The following DOCK8 variants were observed in gnomAD, a reference collection of about 807,000 sequenced individuals.
The protein encoded by DOCK8 is dedicator of cytokinesis 8, also known as dedicator of cytokinesis protein 8.
DOCK8 carries 141 observed loss-of-function variants against 245.6 expected under a neutral mutation model. That is an observed-to-expected ratio of 0.57 (90% CI 0.50 to 0.66). The LOEUF is 0.66. Among genes scored for constraint, DOCK8 ranks in the 30% least tolerant of loss-of-function variants. The pLI is 0.00. For missense variants in DOCK8, 2,965 were observed against 2,603.4 expected (o/e 1.14, Z -3.02); for synonymous variants, 1,168 against 970.2 (o/e 1.20, Z -3.79).
intron 28 of DOCK8, among the ~76,000 whole-genome samples, chr9:410,480 G>A (rs950379322): frequency 6.6e-6 from 1 of 152,022 alleles, no homozygotes. Flanking sequence ...CTATTTGTGG[G>A]TATTGGGTAT....
intron 46 of DOCK8, among the ~76,000 whole-genome samples, chr9:463,112 C>G (rs963221265): frequency 6.6e-6 from 1 of 152,054 alleles, no homozygotes; most frequent in Non-Finnish European, 1.5e-5. Context: ...CATTTCTGGG[C>G]CAGAAGCAAT....
chr9:463,938 G>C (rs553740403), intron 47 of DOCK8, among the ~76,000 whole-genome samples: 28 of 152,308 alleles, frequency 1.8e-4, no homozygotes, highest in African/African-American at 6.7e-4. Flanking sequence ...CTGAATGATG[G>C]CCTGTGTTGG....
chr9:424,715 G>A (rs1417522668), intron 33 of DOCK8, among the ~76,000 whole-genome samples: 2 of 152,144 alleles, frequency 1.3e-5, no homozygotes, highest in African/African-American at 4.8e-5. Flanking sequence ...TGGTCAGATG[G>A]TAAAGCTTTT....
intron 1 of DOCK8, among the ~76,000 whole-genome samples, chr9:226,508 A>C (rs2046993479): frequency 6.6e-6 from 1 of 152,192 alleles, no homozygotes; most frequent in South Asian, 2.1e-4. Context: ...ATCCAGGGGA[A>C]AGATGACGAT....
chr9:267,076 G>C, intron 1 of DOCK8, among the ~76,000 whole-genome samples: 1 of 152,254 alleles, frequency 6.6e-6, no homozygotes, highest in East Asian at 1.9e-4. Context: ...TTGGACATTG[G>C]GGTGCTATAT....
chr9:393,616 G>T (rs2054305956), intron 24 of DOCK8, among the ~76,000 whole-genome samples: 1 of 152,182 alleles, frequency 6.6e-6, no homozygotes, highest in Non-Finnish European at 1.5e-5. Context: ...GTTGGCCCAG[G>T]AGAGAAAGCA....
At chr9:445,882 A>G (rs1399028498) in intron 43 of DOCK8, among the ~76,000 whole-genome samples, 1 of 152,214 alleles carries the variant, frequency 6.6e-6, no homozygotes, top group Non-Finnish European at 1.5e-5. Context: ...AGAGACCGCC[A>G]GCTTCTTCTG....
At chr9:396,015 T>TA (rs1259455767) in intron 24 of DOCK8, among the ~76,000 whole-genome samples, 2 of 152,162 alleles carry the variant, frequency 1.3e-5, no homozygotes, top group Non-Finnish European at 2.9e-5. Flanking sequence ...GACACAAAGA[T>TA]ATCTATATAG....
chr9:370,366 T>A (rs531009377), intron 16 of DOCK8, 66 bp downstream of exon 16: 6 of 1,470,372 alleles, frequency 4.1e-6, no homozygotes, highest in Non-Finnish European at 9.5e-7. Context: ...TTTTTCCAAG[T>A]CCCGTGGGTG....
intron 28 of DOCK8, among the ~76,000 whole-genome samples, chr9:409,078 A>C (rs2055583910): frequency 6.6e-6 from 1 of 151,982 alleles, no homozygotes; most frequent in Admixed American, 6.6e-5. Flanking sequence ...GTCATGCTTC[A>C]ACAATACTTC....
At chr9:278,068 A>C (rs1473777826) in intron 2 of DOCK8, among the ~76,000 whole-genome samples, 1 of 152,250 alleles carries the variant, frequency 6.6e-6, no homozygotes, top group African/African-American at 2.4e-5. Flanking sequence ...GACATGACGG[A>C]AAATGAAGAT....
In DOCK8 at chr9:286,612, T is replaced by C. The variant is rs746110807; in HGVS notation, c.308T>C (p.Leu103Ser). 1.9e-6 allele frequency: 3 copies of C among 1,613,984 alleles called. No individual in the cohort carries two copies. Among genetic ancestry groups the C allele is most frequent in the Non-Finnish European group, 1.7e-6 (2 of 1,179,896 alleles). ...VVFTPKECRT[L>S]QPSLPEEGVE... is the part of the protein sequence containing the mutation. Reference sequence around the variant, plus strand: ...TTCACGCCAAAGGAATGTAGGACTTTGCAGCCCTCTTTGCCGGAGGAAGGG... The same window carrying C: ...TTCACGCCAAAGGAATGTAGGACTTCGCAGCCCTCTTTGCCGGAGGAAGGG... The change falls in exon 3 of 48, where the codon TTG (leucine) becomes TCG (serine). Residue 103 changes from leucine (L) to serine (S), a missense_variant. This residue lies in a region of DOCK8 where 2,825 missense variants were observed against 2,453.5 expected (regional missense o/e 1.15). Transcript: ENST00000432829.
intron 11 of DOCK8, among the ~76,000 whole-genome samples, chr9:334,924 A>C (rs912836728): frequency 6.6e-6 from 1 of 152,124 alleles, no homozygotes; most frequent in African/African-American, 2.4e-5. Flanking sequence ...TCTACTAAAA[A>C]TACAAAAAAT....
chr9:233,756 C>G (rs1038205347), intron 1 of DOCK8, among the ~76,000 whole-genome samples: 1 of 151,936 alleles, frequency 6.6e-6, no homozygotes, highest in East Asian at 1.9e-4. Flanking sequence ...CTTGGTAGAT[C>G]TTCCTCCATC....
chr9:271,512 G>A (rs1243090947), intron 1 of DOCK8, 115 bp from the exon 2 acceptor site: 1 of 795,680 alleles, frequency 1.3e-6, no homozygotes. Flanking sequence ...AGTCAGTTCT[G>A]CTCATTGCCC....
Position 379,839 on chromosome 9 carries a change from C to T in DOCK8, c.2509C>T (p.Leu837=), listed in dbSNP as rs1205155370. Residue 837 remains leucine, a synonymous_variant, in exon 21 of 48, where the codon CTG becomes TTG. Coordinates refer to ENST00000432829, the MANE Select transcript of DOCK8 (RefSeq NM_203447.4). The part of the protein sequence containing the change: ...IANSLHNSKD[L]SKDQHGRNCL... ...CAACAGTCTGCACAACAGCAAGGAC[C>T]TGAGCAAGGACCAGCATGGGAGGAA... is the stretch of plus-strand genomic sequence containing the variant. 14 of 1,614,238 alleles carry T rather than the reference C, an allele frequency of 8.7e-6. No homozygotes were observed. Among genetic ancestry groups the T allele is most frequent in the Non-Finnish European group, 1.2e-5 (14 of 1,180,042 alleles).
intron 1 of DOCK8, among the ~76,000 whole-genome samples, chr9:244,503 G>C (rs1402030136): frequency 6.6e-6 from 1 of 152,088 alleles, no homozygotes; most frequent in South Asian, 2.1e-4. Context: ...GTCACAATTT[G>C]TAAGTCCTAA....
upstream of DOCK8, chr9:212,825 C>T (rs1396923851): frequency 6.6e-6 from 1 of 152,190 alleles, no homozygotes. Context: ...ATCTGAGATG[C>T]TTTCATTACA....
Position 262,457 on chromosome 9 carries a change from C to A in DOCK8, c.54-9170C>A, listed in dbSNP as rs919813904. Among the ~76,000 whole-genome samples the A allele has an allele frequency of 4.2e-5, 6 of 144,556 alleles. 1 individual carries two copies. The highest frequency in any genetic ancestry group is 9.2e-5 in the Non-Finnish European group (6 of 65,380). 94.8% of individuals were successfully genotyped at this position (144,556 alleles called of 152,430 possible). The stretch of plus-strand genomic sequence containing the variant: ...GACAGATGAATGGATTTAAAAAAAA[C>A]CATGTTATATCCATACAAAGGAATA... On this transcript the variant is annotated intron_variant, in intron 1 of 47. Transcript: ENST00000432829.
Sources: gnomAD v4.1 joint callset for allele counts (sites outside exome capture counted in the v4.1 genomes callset) on GRCh38, gnomAD v4.1.1 for gene constraint, gnomAD v4.1.1 regional missense constraint, MANE v1.5 for transcripts, NCBI Gene and HGNC (gene_info 2026-07-23, HGNC 2026-07-21) for gene names.